The following PXT1 variants were observed in gnomAD, a reference collection of about 807,000 sequenced individuals.
PXT1 encodes peroxisomal testis enriched protein 1.
In PXT1, 11 loss-of-function variants were observed where a neutral mutation model predicts 11.0. That is an observed-to-expected ratio of 1.00 (90% CI 0.63 to 1.66). PXT1 has a LOEUF of 1.66. Among genes scored for constraint, PXT1 ranks in the 40% most tolerant of loss-of-function variants. The pLI is 0.00. For synonymous variants in PXT1, 43 were observed against 51.4 expected (o/e 0.84, Z 0.70); for missense variants, 141 against 155.5 (o/e 0.91, Z 0.49).
intron 3 of PXT1, among the ~76,000 whole-genome samples, chr6:36,403,292 T>C (rs1431358338): frequency 6.6e-6 from 1 of 152,260 alleles, no homozygotes; most frequent in African/African-American, 2.4e-5. Context: ...CTCAAGTATG[T>C]CTGGCTGCAA....
At chr6:36,425,576 G>T (rs1403244165) in intron 3 of PXT1, among the ~76,000 whole-genome samples, 1 of 151,960 alleles carries the variant, frequency 6.6e-6, no homozygotes, top group African/African-American at 2.4e-5. Context: ...GTTGAGGTCA[G>T]GGGTTCGAGA....
chr6:36,407,354 A>C (rs1237157017), intron 3 of PXT1, among the ~76,000 whole-genome samples: 1 of 152,224 alleles, frequency 6.6e-6, no homozygotes, highest in African/African-American at 2.4e-5. Flanking sequence ...TATTGGAGGC[A>C]AAAAAATTCC....
At chr6:36,422,831 G>T (rs1441349038) in intron 3 of PXT1, among the ~76,000 whole-genome samples, 1 of 152,050 alleles carries the variant, frequency 6.6e-6, no homozygotes, top group African/African-American at 2.4e-5. Flanking sequence ...ACATGCACAC[G>T]CATTTATTTA....
intron 3 of PXT1, among the ~76,000 whole-genome samples, chr6:36,425,702 CGCTT>C (rs1161807300): frequency 2.0e-5 from 3 of 151,586 alleles, no homozygotes; most frequent in Admixed American, 1.3e-4. Flanking sequence ...GCAGGAGAAT[CGCTT>C]AAACCCAGGA....
At chr6:36,396,344 C>T (rs898385056) in intron 4 of PXT1, among the ~76,000 whole-genome samples, 2 of 152,150 alleles carry the variant, frequency 1.3e-5, no homozygotes, top group East Asian at 3.9e-4. Context: ...ACTGTGGCCA[C>T]CCTCCCAGTT....
chr6:36,399,567 C>T (rs745420242), intron 4 of PXT1, among the ~76,000 whole-genome samples: 11 of 152,146 alleles, frequency 7.2e-5, no homozygotes, highest in Non-Finnish European at 1.2e-4. Context: ...AAAGAGTACA[C>T]GGCACTCCCT....
At chr6:36,411,613 A>G (rs1320740300) in intron 3 of PXT1, among the ~76,000 whole-genome samples, 1 of 152,046 alleles carries the variant, frequency 6.6e-6, no homozygotes. Flanking sequence ...CAGCAGAAAA[A>G]ACCCACACTA....
Position 36,442,668 on chromosome 6 carries a change from A to G in PXT1, c.-263T>C, listed in dbSNP as rs1561937736. 1 of 152,076 alleles carries G rather than the reference A, an allele frequency of 6.6e-6. No individual in the cohort carries two copies. The highest frequency in any genetic ancestry group is 1.5e-5 in the Non-Finnish European group (1 of 68,016). 9.4% of individuals were successfully genotyped at this position (152,076 alleles called of 1,614,324 possible). On this transcript the variant is annotated 5_prime_UTR_variant, in exon 1 of 5. Coordinates refer to ENST00000454782, the MANE Select transcript of PXT1 (RefSeq NM_152990.4). ...CAGTATTCTTACTACGCTACCTCCA[A>G]CCTCGCTCCACGCATGGGGAGATCA... is the stretch of plus-strand genomic sequence containing the variant.
chr6:36,425,394 T>C (rs939514798), intron 3 of PXT1, among the ~76,000 whole-genome samples: 1 of 152,192 alleles, frequency 6.6e-6, no homozygotes, highest in Non-Finnish European at 1.5e-5. Context: ...TAATGGAAAC[T>C]AAAGAGATTT....
intron 4 of PXT1, among the ~76,000 whole-genome samples, chr6:36,396,119 A>C (rs2127409557): frequency 6.6e-6 from 1 of 152,392 alleles, no homozygotes; most frequent in South Asian, 2.1e-4. Context: ...GAGCAGGCAT[A>C]AGGATAGCTA....
intron 4 of PXT1, 62 bp downstream of exon 4, chr6:36,400,392 G>A (rs6917489): frequency 0.24 from 377,866 of 1,584,340 alleles, 46,562 homozygotes; most frequent in East Asian, 0.41. Context: ...CTTGGCAGCC[G>A]TAGTTTTGTT....
At chr6:36,429,287 T>A (rs963563208) in intron 2 of PXT1, among the ~76,000 whole-genome samples, 20 of 1,524 alleles carry the variant, frequency 0.013, no homozygotes, top group Non-Finnish European at 8.2e-3. Context: ...AAAAAAAAAA[T>A]TGCATAATTA....
intron 2 of PXT1, among the ~76,000 whole-genome samples, chr6:36,428,331 G>A (rs1774637789): frequency 6.6e-6 from 1 of 150,806 alleles, no homozygotes; most frequent in Non-Finnish European, 1.5e-5. Context: ...TGTAGTCCCA[G>A]CTACTCGGGA....
chr6:36,401,044 A>G (rs904574989), intron 3 of PXT1, among the ~76,000 whole-genome samples: 4 of 152,134 alleles, frequency 2.6e-5, no homozygotes, highest in African/African-American at 4.8e-5. Flanking sequence ...GGAATAGATC[A>G]GCTCTCTCCA....
chr6:36,410,012 GAGAA>G (rs1774346613), intron 3 of PXT1, among the ~76,000 whole-genome samples: 4 of 150,756 alleles, frequency 2.7e-5, no homozygotes, highest in Non-Finnish European at 3.0e-5. Flanking sequence ...AGGAAGGAAA[GAGAA>G]AGAAAGGAAG....
At chr6:36,407,438 A>G (rs749242696) in intron 3 of PXT1, among the ~76,000 whole-genome samples, 2 of 152,242 alleles carry the variant, frequency 1.3e-5, no homozygotes, top group African/African-American at 2.4e-5. Flanking sequence ...TTTAATATCT[A>G]GGAGAAAAAA....
At chr6:36,437,236 G>A (rs1040156139) in intron 2 of PXT1, among the ~76,000 whole-genome samples, 1 of 151,872 alleles carries the variant, frequency 6.6e-6, no homozygotes, top group African/African-American at 2.4e-5. Flanking sequence ...GCAGTGACCC[G>A]AGATTATACC....
chr6:36,417,392 G>A (rs970910315), intron 3 of PXT1, among the ~76,000 whole-genome samples: 1 of 151,698 alleles, frequency 6.6e-6, no homozygotes, highest in Non-Finnish European at 1.5e-5. Context: ...AAAAGAGAGG[G>A]TGCAGTATGC....
At chr6:36,425,633 A>G (rs9470273) in intron 3 of PXT1, among the ~76,000 whole-genome samples, 2 of 151,346 alleles carry the variant, frequency 1.3e-5, no homozygotes, top group Non-Finnish European at 2.9e-5. Context: ...AAAAATATTT[A>G]AAAAATTAGC....
Sources: gnomAD v4.1 joint callset for allele counts (sites outside exome capture counted in the v4.1 genomes callset) on GRCh38, gnomAD v4.1.1 for gene constraint, MANE v1.5 for transcripts, NCBI Gene and HGNC (gene_info 2026-07-23, HGNC 2026-07-21) for gene names.